The following KPNA1 variants were observed in gnomAD, a reference collection of about 807,000 sequenced individuals.
KPNA1 encodes the protein importin subunit alpha-5.
In KPNA1, 10 loss-of-function variants were observed where a neutral mutation model predicts 70.5. The observed-to-expected ratio is 0.14, with a 90% CI of 0.09 to 0.24. KPNA1 has a LOEUF of 0.24. Among genes scored for constraint, KPNA1 ranks in the 10% least tolerant of loss-of-function variants. The pLI, the probability that KPNA1 is intolerant of heterozygous loss-of-function variation, is 1.00. For synonymous variants in KPNA1, 192 were observed against 221.9 expected (o/e 0.87, Z 1.20); for missense variants, 397 against 637.9 (o/e 0.62, Z 4.07).
intron 4 of KPNA1, among the ~76,000 whole-genome samples, chr3:122,462,050 A>G (rs2076329684): frequency 6.6e-6 from 1 of 152,218 alleles, no homozygotes; most frequent in African/African-American, 2.4e-5. Context: ...TAATGGTTCA[A>G]TGTTCATTTG....
At chr3:122,476,144 GATTA>G (rs1488609091) in intron 2 of KPNA1, among the ~76,000 whole-genome samples, 1 of 152,162 alleles carries the variant, frequency 6.6e-6, no homozygotes, top group Non-Finnish European at 1.5e-5. Context: ...ACACATTTAT[GATTA>G]ATTGATTTTT....
intron 3 of KPNA1, among the ~76,000 whole-genome samples, chr3:122,465,917 G>A (rs1295236379): frequency 6.6e-6 from 1 of 152,192 alleles, no homozygotes; most frequent in East Asian, 1.9e-4. Context: ...TTTCACACTT[G>A]CCAGCTCCCA....
chr3:122,460,485 G>T, intron 5 of KPNA1: 1 of 231,820 alleles, frequency 4.3e-6, no homozygotes, highest in Non-Finnish European at 7.1e-6. Flanking sequence ...AAAAATAAAA[G>T]AATTAGCTGG....
At chr3:122,453,359 A>G (rs1251745077) in intron 6 of KPNA1, among the ~76,000 whole-genome samples, 1 of 152,168 alleles carries the variant, frequency 6.6e-6, no homozygotes, top group Non-Finnish European at 1.5e-5. Context: ...GGGGAAGATT[A>G]TTTTATGTGT....
At chr3:122,510,266 C>T (rs891948574) in intron 1 of KPNA1, among the ~76,000 whole-genome samples, 1 of 151,984 alleles carries the variant, frequency 6.6e-6, no homozygotes, top group Non-Finnish European at 1.5e-5. Flanking sequence ...AAAGAAAATA[C>T]AGGAAACAGT....
chr3:122,430,287 T>C (rs1267166208), intron 12 of KPNA1, among the ~76,000 whole-genome samples: 1 of 152,214 alleles, frequency 6.6e-6, no homozygotes, highest in African/African-American at 2.4e-5. Context: ...CTTACATTTA[T>C]GTATAGCTGA....
At position 122,447,779 on chromosome 3, in the gene KPNA1, G is replaced by A. The variant is rs149595059; in HGVS notation, c.917+1795C>T. Reference sequence around the variant, plus strand: ...GATTCTATATTTAGAAAACTCCATCGTCTCAGCCCCAAATCTCCTTGAGCT... The same window carrying A: ...GATTCTATATTTAGAAAACTCCATCATCTCAGCCCCAAATCTCCTTGAGCT... On this transcript the variant is annotated intron_variant, in intron 9 of 13. Coordinates refer to ENST00000344337, the MANE Select transcript of KPNA1 (RefSeq NM_002264.4). Among the ~76,000 whole-genome samples, 29 of 152,298 alleles carry A rather than the reference G, an allele frequency of 1.9e-4. No individual in the cohort carries two copies. In the East Asian group the frequency reaches 5.4e-3, roughly 28 times the overall value.
chr3:122,488,937 G>A lies in KPNA1; in HGVS notation c.129+7500C>T, dbSNP rs1576335525. Among the ~76,000 whole-genome samples the A allele has an allele frequency of 2.0e-5, 3 of 151,996 alleles. No homozygotes were observed. The South Asian group carries it at 6.2e-4, about 32-fold the overall frequency. On this transcript the variant is annotated intron_variant, in intron 2 of 13. Transcript: ENST00000344337. ...AGTTCTTCATTATAAAAGGTTTTCG[G>A]CCATTACTTCTTTAAATATTTTTTC...
At chr3:122,462,963 C>T (rs1462731691) in intron 4 of KPNA1, among the ~76,000 whole-genome samples, 1 of 152,074 alleles carries the variant, frequency 6.6e-6, no homozygotes, top group Admixed American at 6.6e-5. Flanking sequence ...TGGCTCATGC[C>T]TGTAATCCCA....
chr3:122,488,195 ACTGCGCT>A (rs1368122156), intron 2 of KPNA1, among the ~76,000 whole-genome samples: 1 of 152,212 alleles, frequency 6.6e-6, no homozygotes, highest in Non-Finnish European at 1.5e-5. Flanking sequence ...TGAAAAGCTG[ACTGCGCT>A]CTTTGATGAT....
At chr3:122,500,684 G>C (rs191129517) in intron 1 of KPNA1, among the ~76,000 whole-genome samples, 64 of 151,912 alleles carry the variant, frequency 4.2e-4, no homozygotes, top group Non-Finnish European at 6.9e-4. Context: ...GGGGGCTAGG[G>C]GGATAGAGAT....
chr3:122,445,009 G>A (rs548189172), intron 9 of KPNA1, among the ~76,000 whole-genome samples: 18 of 152,168 alleles, frequency 1.2e-4, no homozygotes, highest in African/African-American at 3.4e-4. Flanking sequence ...CCAAAAGATC[G>A]CAGCTTCTCG....
chr3:122,457,630 T>A, intron 5 of KPNA1: 1 of 1,084,174 alleles, frequency 9.2e-7, no homozygotes, highest in South Asian at 1.6e-5. Context: ...CACTGAAGGT[T>A]TGATGTTTTC....
intron 1 of KPNA1, among the ~76,000 whole-genome samples, chr3:122,499,224 A>G (rs1381531067): frequency 6.6e-6 from 1 of 152,172 alleles, no homozygotes; most frequent in East Asian, 1.9e-4. Context: ...CCTCCAATAC[A>G]ATGTTGAATA....
At chr3:122,511,121 T>G (rs565128812) in intron 1 of KPNA1, among the ~76,000 whole-genome samples, 6 of 152,300 alleles carry the variant, frequency 3.9e-5, no homozygotes, top group African/African-American at 1.4e-4. Flanking sequence ...AACAAGTAAG[T>G]GAAAGCACCT....
chr3:122,509,848 A>T (rs1480124520), intron 1 of KPNA1, among the ~76,000 whole-genome samples: 1 of 152,236 alleles, frequency 6.6e-6, no homozygotes, highest in Non-Finnish European at 1.5e-5. Flanking sequence ...AAAACTTTCG[A>T]GAACTAAAGG....
intron 3 of KPNA1, among the ~76,000 whole-genome samples, chr3:122,465,200 C>T (rs1176667511): frequency 1.3e-5 from 2 of 152,146 alleles, no homozygotes; most frequent in African/African-American, 4.8e-5. Flanking sequence ...CATCCTCTTC[C>T]GCAGAAGGAG....
chr3:122,460,357 G>A lies in KPNA1; in HGVS notation c.432+867C>T, dbSNP rs560459559. 14 of 982,588 alleles carry A rather than the reference G, an allele frequency of 1.4e-5. No individual in the cohort carries two copies. The Admixed American group carries it at 6.8e-4, about 47-fold the overall frequency. 60.9% of individuals were successfully genotyped at this position (982,588 alleles called of 1,614,324 possible). On this transcript the variant is annotated intron_variant, in intron 5 of 13. Transcript: ENST00000344337. ...TCTTATGAAAATTATTGAATACTTGGCTGGGAGCAGTGGCTCACACCTGTA... is the reference window on the plus strand; with the variant it reads ...TCTTATGAAAATTATTGAATACTTGACTGGGAGCAGTGGCTCACACCTGTA...
At chr3:122,485,167 G>A (rs1193800559) in intron 2 of KPNA1, among the ~76,000 whole-genome samples, 1 of 152,028 alleles carries the variant, frequency 6.6e-6, no homozygotes, top group Non-Finnish European at 1.5e-5. Context: ...TCCCGCCTCG[G>A]CCTCCCAAAG....
Sources: gnomAD v4.1 joint callset for allele counts (sites outside exome capture counted in the v4.1 genomes callset) on GRCh38, gnomAD v4.1.1 for gene constraint, MANE v1.5 for transcripts, NCBI Gene and HGNC (gene_info 2026-07-23, HGNC 2026-07-21) for gene names.